The following IRAG1 variants were observed in gnomAD, a reference collection of about 807,000 sequenced individuals.
The protein encoded by IRAG1 is IP3R-associated cGMP kinase substrate.
A neutral mutation model predicts 106.2 loss-of-function variants in IRAG1; 62 were observed. That is an observed-to-expected ratio of 0.58 (90% CI 0.48 to 0.72). The LOEUF is 0.72. IRAG1 is among the 30% of genes least tolerant of loss of function. IRAG1 has a pLI of 0.00. For missense variants in IRAG1, 1,064 were observed against 1,140.7 expected (o/e 0.93, Z 0.97); for synonymous variants, 462 against 443.9 (o/e 1.04, Z -0.51).
intron 15 of IRAG1, among the ~76,000 whole-genome samples, chr11:10,598,586 A>G (rs1004052320): frequency 6.6e-6 from 1 of 152,230 alleles, no homozygotes; most frequent in African/African-American, 2.4e-5. Context: ...ACAAGACACA[A>G]TTGTGGCCTA....
At chr11:10,623,747 C>T in intron 10 of IRAG1, 31 bp downstream of exon 10, 1 of 1,606,276 alleles carries the variant, frequency 6.2e-7, no homozygotes, top group Non-Finnish European at 8.5e-7. Flanking sequence ...TCAGCACTCG[C>T]TGAGACAGCA....
chr11:10,683,164 A>T (rs915530787), intron 1 of IRAG1, among the ~76,000 whole-genome samples: 1 of 152,220 alleles, frequency 6.6e-6, no homozygotes. Flanking sequence ...GGCCAGTTAT[A>T]TCCAGTTTGT....
chr11:10,690,717 G>A (rs1481969687), intron 1 of IRAG1, among the ~76,000 whole-genome samples: 3 of 152,180 alleles, frequency 2.0e-5, no homozygotes, highest in Admixed American at 6.5e-5. Context: ...GGACCAAGGT[G>A]GCTTGAGCTG....
intron 4 of IRAG1, among the ~76,000 whole-genome samples, chr11:10,631,640 G>C (rs1049900637): frequency 3.9e-5 from 6 of 152,222 alleles, no homozygotes; most frequent in Non-Finnish European, 4.4e-5. Flanking sequence ...AGATGACCAG[G>C]GCAGCCGGCC....
chr11:10,652,283 G>A (rs1858588799), intron 1 of IRAG1, 101 bp from the exon 2 acceptor site: 1 of 1,549,976 alleles, frequency 6.5e-7, no homozygotes, highest in Non-Finnish European at 8.7e-7. Context: ...GCCGGCTTGA[G>A]TTTGCATCAA....
intron 1 of IRAG1, among the ~76,000 whole-genome samples, chr11:10,677,105 T>G (rs1474171159): frequency 6.6e-6 from 1 of 152,236 alleles, no homozygotes. Context: ...GTCTCTCCCA[T>G]GACCTTCCCC....
intron 9 of IRAG1, 126 bp downstream of exon 9, chr11:10,625,840 C>T (rs955926963): frequency 1.3e-5 from 12 of 953,860 alleles, no homozygotes; most frequent in South Asian, 5.4e-5. Flanking sequence ...GGAAAATTTA[C>T]GCCCTCACAA....
At chr11:10,623,692 G>A in intron 10 of IRAG1, 86 bp downstream of exon 10, 4 of 1,225,014 alleles carry the variant, frequency 3.3e-6, no homozygotes, top group South Asian at 2.5e-5. Flanking sequence ...GACACAGGAA[G>A]TCTTGTGTTT....
chr11:10,606,373 G>A (rs771404287), intron 12 of IRAG1, among the ~76,000 whole-genome samples: 2 of 152,124 alleles, frequency 1.3e-5, no homozygotes, highest in Non-Finnish European at 2.9e-5. Flanking sequence ...CTAAACTAAA[G>A]CTTAGAACTT....
intron 11 of IRAG1, among the ~76,000 whole-genome samples, chr11:10,607,849 A>C (rs1421303637): frequency 6.6e-6 from 1 of 152,188 alleles, no homozygotes; most frequent in East Asian, 1.9e-4. Flanking sequence ...AGTCCAGAAC[A>C]CGGGACAAAC....
At chr11:10,588,453 C>T (rs1473404686) in intron 18 of IRAG1, among the ~76,000 whole-genome samples, 2 of 152,152 alleles carry the variant, frequency 1.3e-5, no homozygotes, top group African/African-American at 2.4e-5. Flanking sequence ...GGGGTCAAGC[C>T]ATCCTCCCAC....
At chr11:10,589,223 C>T (rs1355516019) in intron 18 of IRAG1, 3 of 152,148 alleles carry the variant, frequency 2.0e-5, no homozygotes, top group Non-Finnish European at 4.4e-5. Flanking sequence ...AAGGTGAAAT[C>T]ATTTTAACAC....
chr11:10,594,221 G>A (rs1853010510), intron 15 of IRAG1, 26 bp from the exon 16 acceptor site: 1 of 1,601,962 alleles, frequency 6.2e-7, no homozygotes, highest in Non-Finnish European at 8.5e-7. Context: ...GCAGAGAAGA[G>A]AACACAGGTA....
At chr11:10,602,023 G>T (rs933890103) in intron 14 of IRAG1, among the ~76,000 whole-genome samples, 3 of 152,226 alleles carry the variant, frequency 2.0e-5, no homozygotes, top group Non-Finnish European at 4.4e-5. Flanking sequence ...CTCAGGCCCT[G>T]CCTGGCCACA....
intron 2 of IRAG1, among the ~76,000 whole-genome samples, chr11:10,644,026 G>GA (rs34135684): frequency 0.053 from 8,115 of 152,314 alleles, 305 homozygotes; most frequent in Admixed American, 0.12. Flanking sequence ...CTTACCCTGT[G>GA]ACCAGAACCA....
chr11:10,636,336 G>C (rs1262592923), intron 2 of IRAG1, among the ~76,000 whole-genome samples: 7 of 152,088 alleles, frequency 4.6e-5, no homozygotes, highest in African/African-American at 9.7e-5. Flanking sequence ...CACCACGCCT[G>C]GCTGACTTAA....
chr11:10,692,929 C>T (rs559020337), intron 1 of IRAG1, among the ~76,000 whole-genome samples: 7 of 152,268 alleles, frequency 4.6e-5, no homozygotes, highest in Admixed American at 1.3e-4. Flanking sequence ...GGGCACGGGC[C>T]GGGCACATAC....
At chr11:10,685,754 C>T (rs1163095036) in intron 1 of IRAG1, among the ~76,000 whole-genome samples, 2 of 150,290 alleles carry the variant, frequency 1.3e-5, no homozygotes, top group Non-Finnish European at 3.0e-5. Context: ...TTGTATACTT[C>T]AGTCTCTTGT....
intron 2 of IRAG1, among the ~76,000 whole-genome samples, chr11:10,642,208 A>C (rs962087061): frequency 1.3e-5 from 2 of 152,208 alleles, no homozygotes; most frequent in Non-Finnish European, 2.9e-5. Context: ...GGGCTGGGTC[A>C]TCTCCCAGCA....
Sources: gnomAD v4.1 joint callset for allele counts (sites outside exome capture counted in the v4.1 genomes callset) on GRCh38, gnomAD v4.1.1 for gene constraint, MANE v1.5 for transcripts, NCBI Gene and HGNC (gene_info 2026-07-23, HGNC 2026-07-21) for gene names.